KBTBD12: variants seen among roughly 807,000 people sequenced by gnomAD.
KBTBD12 encodes the protein kelch repeat and BTB domain-containing protein 12.
Under a neutral mutation model 58.7 loss-of-function variants are expected in KBTBD12, and 53 were observed. The ratio of observed to expected loss-of-function variants is 0.90; its 90% CI spans 0.72 to 1.14. KBTBD12 has a LOEUF of 1.14. Among genes scored for constraint, KBTBD12 ranks in the 50% most tolerant of loss-of-function variants. The pLI is 0.00. For synonymous variants in KBTBD12, 236 were observed against 259.8 expected (o/e 0.91, Z 0.88); for missense variants, 704 against 751.3 (o/e 0.94, Z 0.74).
chr3:127,961,075 GA>G (rs1265278915), intron 4 of KBTBD12, among the ~76,000 whole-genome samples: 1 of 152,064 alleles, frequency 6.6e-6, no homozygotes, highest in Non-Finnish European at 1.5e-5. Flanking sequence ...TGGTCTTCTG[GA>G]GGAGCTGTAA....
intron 4 of KBTBD12, among the ~76,000 whole-genome samples, chr3:127,943,824 A>T (rs1051581212): frequency 1.3e-5 from 2 of 152,122 alleles, no homozygotes; most frequent in African/African-American, 4.8e-5. Flanking sequence ...TTCAGGTCTT[A>T]TGTTTAAGTC....
intron 5 of KBTBD12, among the ~76,000 whole-genome samples, chr3:127,981,212 A>G (rs975465556): frequency 1.6e-4 from 25 of 152,232 alleles, no homozygotes; most frequent in Non-Finnish European, 2.2e-4. Flanking sequence ...TAGACTGTCT[A>G]AGATAGCTTG....
intron 4 of KBTBD12, among the ~76,000 whole-genome samples, chr3:127,930,591 G>A (rs1007991997): frequency 1.3e-5 from 2 of 152,100 alleles, no homozygotes; most frequent in Non-Finnish European, 2.9e-5. Context: ...TAGGCCTTTG[G>A]TCACTTTTAG....
chr3:127,931,361 A>G (rs1939696687), intron 4 of KBTBD12, among the ~76,000 whole-genome samples: 1 of 152,138 alleles, frequency 6.6e-6, no homozygotes, highest in African/African-American at 2.4e-5. Context: ...CAGTTATGAG[A>G]TTCACTTATA....
chr3:127,920,392 C>CT (rs78135551), intron 1 of KBTBD12, among the ~76,000 whole-genome samples: 2,302 of 133,854 alleles, frequency 0.017, 25 homozygotes, highest in South Asian at 0.061. Flanking sequence ...CTAGTTCATT[C>CT]TTTTTTTTTT....
At chr3:127,936,031 G>A (rs756873661) in intron 4 of KBTBD12, among the ~76,000 whole-genome samples, 26 of 152,060 alleles carry the variant, frequency 1.7e-4, no homozygotes, top group Admixed American at 3.9e-4. Context: ...AATTATAAAC[G>A]TGTCATACCT....
Position 127,963,330 on chromosome 3 carries a change from C to G in KBTBD12, c.1634C>G (p.Thr545Ser). 1 of 1,612,158 alleles carries G rather than the reference C, an allele frequency of 6.2e-7. No homozygotes were observed. The highest frequency in any genetic ancestry group is 1.1e-5 in the South Asian group (1 of 90,364). ...SPLLSLRTNS[T>S]NAGAVDGKLY... Reference sequence around the variant, plus strand: ...CTCCTCTCACTCCGCACCAATTCCACCAATGCAGGGGCAGTGGATGGGAAA... The same window carrying G: ...CTCCTCTCACTCCGCACCAATTCCAGCAATGCAGGGGCAGTGGATGGGAAA... The change falls in exon 5 of 6, where the codon ACC (threonine) becomes AGC (serine). Residue 545 changes from threonine (T) to serine (S), a missense_variant. By Grantham distance (58) the Thr-to-Ser change is moderately conservative. Transcript: ENST00000405109.
Position 127,928,201 on chromosome 3 carries a change from T to G in KBTBD12, c.1341+167T>G. 4.9e-6 allele frequency: 3 copies of G among 606,952 alleles called. No individual in the cohort carries two copies. In the Admixed American group the frequency reaches 8.9e-5, roughly 18 times the overall value. The allele number at this position is 606,952 out of a possible 1,614,324, so 37.6% of individuals were successfully genotyped here. ...AAGGTTTTAAAGTGTTAAAGCAATT[T>G]AGGAGAATGGATTTTTAAAGTGTGT... On this transcript the variant is annotated intron_variant, in intron 3 of 5. Transcript: ENST00000405109.
At chr3:127,927,366 G>A (rs1284025488) in intron 2 of KBTBD12, among the ~76,000 whole-genome samples, 1 of 152,006 alleles carries the variant, frequency 6.6e-6, no homozygotes, top group African/African-American at 2.4e-5. Flanking sequence ...GTATGAAAGT[G>A]ATATTTCTTG....
intron 4 of KBTBD12, among the ~76,000 whole-genome samples, chr3:127,944,412 T>C (rs2107600522): frequency 6.6e-6 from 1 of 152,354 alleles, no homozygotes; most frequent in Middle Eastern, 3.4e-3. Flanking sequence ...TTGGTTAAAT[T>C]TATTTCTAAG....
At chr3:127,940,352 C>A (rs1256375778) in intron 4 of KBTBD12, among the ~76,000 whole-genome samples, 1 of 151,980 alleles carries the variant, frequency 6.6e-6, no homozygotes. Flanking sequence ...ATAAAACAAA[C>A]CTTAACAAAA....
Position 127,984,206 on chromosome 3 carries a change from A to G in KBTBD12, c.1800A>G (p.Leu600=). Residue 600 remains leucine, a synonymous_variant, in exon 6 of 6, where the codon CTA becomes CTG. Coordinates refer to ENST00000405109, the MANE Select transcript of KBTBD12 (RefSeq NM_207335.4). The part of the protein sequence containing the change: ...VLMHDSYDVC[L]VARMNPRDLI... Reference sequence around the variant, plus strand: ...TGCATGACAGCTATGATGTCTGCCTAGTAGCCAGGATGAATCCCCGAGACC... The same window carrying G: ...TGCATGACAGCTATGATGTCTGCCTGGTAGCCAGGATGAATCCCCGAGACC... 6.2e-7 allele frequency: 1 copy of G among 1,613,970 alleles called. No individual in the cohort carries two copies. Among genetic ancestry groups the G allele is most frequent in the Non-Finnish European group, 8.5e-7 (1 of 1,179,850 alleles).
Position 127,923,984 on chromosome 3 carries a change from C to A in KBTBD12, c.923C>A (p.Thr308Asn), listed in dbSNP as rs1026096052. The A allele has an allele frequency of 6.2e-7, 1 of 1,613,834 alleles. No homozygotes were observed. The highest frequency in any genetic ancestry group is 1.3e-5 in the African/African-American group (1 of 75,032). ...TGTTATGATCCTGTATCACGGAAAA[C>A]CTATTTCATCTCATCTCCCAAGTAC... ...SFCYDPVSRK[T>N]YFISSPKYGE... Residue 308 changes from threonine (T) to asparagine (N), a missense_variant, in exon 2 of 6, where the codon ACC becomes AAC. Physicochemically the swap from Thr to Asn is moderately conservative, Grantham distance 65. Coordinates refer to ENST00000405109, the MANE Select transcript of KBTBD12 (RefSeq NM_207335.4).
chr3:127,931,397 T>C (rs1939697908), intron 4 of KBTBD12, among the ~76,000 whole-genome samples: 1 of 152,156 alleles, frequency 6.6e-6, no homozygotes, highest in Admixed American at 6.6e-5. Context: ...TTGATATATA[T>C]TTCTTACTTT....
intron 5 of KBTBD12, among the ~76,000 whole-genome samples, chr3:127,968,103 G>T (rs1227059206): frequency 6.6e-6 from 1 of 152,154 alleles, no homozygotes; most frequent in Non-Finnish European, 1.5e-5. Flanking sequence ...CAAAAAACTG[G>T]CATAATAACT....
At chr3:127,980,869 C>A (rs1414805066) in intron 5 of KBTBD12, among the ~76,000 whole-genome samples, 3 of 152,106 alleles carry the variant, frequency 2.0e-5, no homozygotes, top group Non-Finnish European at 2.9e-5. Context: ...CAATCAAAAT[C>A]ATACAAATTC....
rs79923551 is a variant in KBTBD12 at position 127,958,350 on chromosome 3, C to T, written c.1493-4839C>T. Among the ~76,000 whole-genome samples the T allele has an allele frequency of 5.5e-3, 842 of 152,270 alleles. 8 individuals carry two copies. Among genetic ancestry groups the T allele is most frequent in the African/African-American group, 0.019 (809 of 41,554 alleles). ...CCCCTAAGCTCACTCCCACCCACCA[C>T]GTCCAGGCTCTCCACTCTGTGCTCT... On this transcript the variant is annotated intron_variant, in intron 4 of 5. Coordinates refer to ENST00000405109, the MANE Select transcript of KBTBD12 (RefSeq NM_207335.4).
intron 4 of KBTBD12, among the ~76,000 whole-genome samples, chr3:127,958,941 C>T (rs1940373626): frequency 6.6e-6 from 1 of 152,178 alleles, no homozygotes. Context: ...TGCACAGTAT[C>T]AACCAGAATC....
chr3:127,930,233 C>G lies in KBTBD12; in HGVS notation c.1442C>G (p.Ser481Cys). ...AGTGTGCGGGCACCCATGAAGTACT[C>G]TAAGTACCGATTCAGTACAGCTGTA... ...QWSVRAPMKYSKYRFSTAVVN... is the reference protein window; with the variant it reads ...QWSVRAPMKYCKYRFSTAVVN... The change falls in exon 4 of 6, where the codon TCT becomes TGT. Residue 481 changes from serine to cysteine, a missense_variant. Ser to Cys is a moderately radical substitution (Grantham distance 112). Coordinates refer to ENST00000405109, the MANE Select transcript of KBTBD12 (RefSeq NM_207335.4). The G allele has an allele frequency of 6.2e-7, 1 of 1,611,066 alleles. No homozygotes were observed. The highest frequency in any genetic ancestry group is 1.7e-4 in the Middle Eastern group (1 of 6,052).
Sources: gnomAD v4.1 joint callset for allele counts (sites outside exome capture counted in the v4.1 genomes callset) on GRCh38, gnomAD v4.1.1 for gene constraint, MANE v1.5 for transcripts, NCBI Gene and HGNC (gene_info 2026-07-23, HGNC 2026-07-21) for gene names.